Variants in CARMIL1 observed in about 807,000 individuals in gnomAD.
CARMIL1 encodes the protein F-actin-uncapping protein LRRC16A.
In CARMIL1, 90 loss-of-function variants were observed where a neutral mutation model predicts 177.1. The ratio of observed to expected loss-of-function variants is 0.51; its 90% CI spans 0.43 to 0.61. The LOEUF is 0.61. Among genes scored for constraint, CARMIL1 ranks in the 20% least tolerant of loss-of-function variants. The pLI is 0.00. For missense variants in CARMIL1, 1,380 were observed against 1,667.0 expected (o/e 0.83, Z 3.00); for synonymous variants, 577 against 606.2 (o/e 0.95, Z 0.71).
At chr6:25,526,546 C>T (rs74632302) in intron 23 of CARMIL1, among the ~76,000 whole-genome samples, 1,809 of 151,242 alleles carry the variant, frequency 0.012, 25 homozygotes, top group African/African-American at 0.034. Flanking sequence ...CTCTCCTTCT[C>T]TTCTGTTCTT....
chr6:25,441,347 G>GTGTGTGTGTGTA (rs1287858023), intron 5 of CARMIL1, among the ~76,000 whole-genome samples: 18 of 115,744 alleles, frequency 1.6e-4, no homozygotes, highest in Admixed American at 3.4e-4. Context: ...ATGTGTGTGT[G>GTGTGTGTGTGTA]TGTGTGTGTG....
intron 2 of CARMIL1, among the ~76,000 whole-genome samples, chr6:25,394,239 G>T (rs1160609898): frequency 6.6e-6 from 1 of 152,212 alleles, no homozygotes; most frequent in Non-Finnish European, 1.5e-5. Flanking sequence ...CTTCTTGGCA[G>T]TGATAGTGAT....
At chr6:25,592,648 A>G (rs1352934601) in intron 31 of CARMIL1, among the ~76,000 whole-genome samples, 1 of 152,200 alleles carries the variant, frequency 6.6e-6, no homozygotes, top group Non-Finnish European at 1.5e-5. Context: ...TCGTAATGAG[A>G]GCTTCCCAAT....
chr6:25,614,822 A>G (rs1816773093), intron 36 of CARMIL1, among the ~76,000 whole-genome samples: 1 of 152,248 alleles, frequency 6.6e-6, no homozygotes, highest in South Asian at 2.1e-4. Context: ...AAAAGAGGAT[A>G]AACACAGAGA....
rs932290337 is a variant in CARMIL1, at chr6:25,509,156, T to A, written c.1396-500T>A. On this transcript the variant is annotated intron_variant, in intron 17 of 36. Coordinates refer to ENST00000329474, the MANE Select transcript of CARMIL1 (RefSeq NM_017640.6). The surrounding 1 kb of genome is among the most constrained non-coding windows in gnomAD (Gnocchi z 4.1). ...TAATATCTGCCTTATGAGTGAGAACTCACACTCATGTCTTAGAACAGGTAG... is the reference window on the plus strand; with the variant it reads ...TAATATCTGCCTTATGAGTGAGAACACACACTCATGTCTTAGAACAGGTAG... Among the ~76,000 whole-genome samples the A allele has an allele frequency of 1.3e-5, 2 of 152,190 alleles. No homozygotes were observed. The highest frequency in any genetic ancestry group is 2.9e-5 in the Non-Finnish European group (2 of 68,030).
chr6:25,341,538 A>G (rs894316070), intron 2 of CARMIL1, among the ~76,000 whole-genome samples: 12 of 152,252 alleles, frequency 7.9e-5, no homozygotes, highest in Non-Finnish European at 1.2e-4. Context: ...AGCCAGGCCA[A>G]CATGGTGAAA....
chr6:25,556,968 C>A, intron 29 of CARMIL1, 118 bp downstream of exon 29: 1 of 1,033,906 alleles, frequency 9.7e-7, no homozygotes, highest in East Asian at 2.5e-5. Context: ...TGTCCCCACC[C>A]TCAGACAATT....
intron 31 of CARMIL1, among the ~76,000 whole-genome samples, chr6:25,587,713 C>T (rs1813891593): frequency 1.3e-5 from 2 of 152,130 alleles, no homozygotes; most frequent in Admixed American, 6.5e-5. Context: ...GGGATTCTTA[C>T]CCATGTTTAC....
chr6:25,332,765 A>ACACG (rs1554165919), intron 2 of CARMIL1, among the ~76,000 whole-genome samples: 16 of 134,628 alleles, frequency 1.2e-4, no homozygotes, highest in African/African-American at 3.9e-4. Flanking sequence ...ACACACACAC[A>ACACG]CACACACGCG....
At chr6:25,317,472 A>G (rs1343373706) in intron 2 of CARMIL1, among the ~76,000 whole-genome samples, 1 of 147,838 alleles carries the variant, frequency 6.8e-6, no homozygotes, top group Non-Finnish European at 1.5e-5. Flanking sequence ...CCATAACATC[A>G]TATTGTTTCC....
At position 25,429,366 on chromosome 6, in the gene CARMIL1, CAT is replaced by C. The variant is rs1796539949; in HGVS notation, c.249+2808_249+2809del. 2.0e-5 allele frequency among the ~76,000 whole-genome samples: 3 copies of C among 152,004 alleles called. No individual in the cohort carries two copies. The South Asian group carries it at 6.2e-4, about 32-fold the overall frequency. On this transcript the variant is annotated intron_variant, in intron 4 of 36. Coordinates refer to ENST00000329474, the MANE Select transcript of CARMIL1 (RefSeq NM_017640.6). ...ACATGCCTTTTGTTGTACCATGAAT[CAT>C]AAAATCCTATGTCTCTGACCCAGGC... is the stretch of plus-strand genomic sequence containing the variant.
chr6:25,571,189 C>G (rs1417611515), intron 29 of CARMIL1, among the ~76,000 whole-genome samples: 2 of 151,872 alleles, frequency 1.3e-5, no homozygotes, highest in African/African-American at 4.8e-5. Context: ...TATTTTATAT[C>G]AAAAAGCAAT....
chr6:25,528,275 G>A (rs1807370707), intron 23 of CARMIL1, among the ~76,000 whole-genome samples: 1 of 152,062 alleles, frequency 6.6e-6, no homozygotes, highest in African/African-American at 2.4e-5. Flanking sequence ...AGTTGTACCA[G>A]CCTGTATCCT....
intron 23 of CARMIL1, among the ~76,000 whole-genome samples, chr6:25,522,600 C>A (rs1806683254): frequency 6.6e-6 from 1 of 152,158 alleles, no homozygotes; most frequent in South Asian, 2.1e-4. Flanking sequence ...TCCAGGAAGA[C>A]CTCTCAGAGG....
intron 29 of CARMIL1, among the ~76,000 whole-genome samples, chr6:25,561,065 A>G (rs760773909): frequency 6.6e-6 from 1 of 152,164 alleles, no homozygotes; most frequent in Non-Finnish European, 1.5e-5. Flanking sequence ...CATGCCTTAT[A>G]TGTCATGCTG....
At chr6:25,390,320 A>ATATTTT (rs1554184839) in intron 2 of CARMIL1, among the ~76,000 whole-genome samples, 10 of 58,094 alleles carry the variant, frequency 1.7e-4, no homozygotes, top group East Asian at 9.8e-4. Flanking sequence ...ATATATATAT[A>ATATTTT]TTTTTTTTTT....
intron 2 of CARMIL1, among the ~76,000 whole-genome samples, chr6:25,325,648 A>G (rs1427469437): frequency 6.6e-6 from 1 of 152,208 alleles, no homozygotes; most frequent in Non-Finnish European, 1.5e-5. Flanking sequence ...TAATTTATCC[A>G]TCCATTTATA....
chr6:25,564,430 T>C (rs1036596605), intron 29 of CARMIL1, among the ~76,000 whole-genome samples: 4 of 152,244 alleles, frequency 2.6e-5, no homozygotes, highest in Non-Finnish European at 5.9e-5. Context: ...TTGATCTTCA[T>C]TGAGGACCAC....
chr6:25,295,352 C>G (rs574582595), intron 2 of CARMIL1, among the ~76,000 whole-genome samples: 3 of 152,238 alleles, frequency 2.0e-5, no homozygotes, highest in Admixed American at 2.0e-4. Flanking sequence ...TAGAGGAGTA[C>G]TGTAGTTTAT....
Sources: gnomAD v4.1 joint callset for allele counts (sites outside exome capture counted in the v4.1 genomes callset) on GRCh38, gnomAD v4.1.1 for gene constraint, Gnocchi (gnomAD v3.1) non-coding constraint, MANE v1.5 for transcripts, NCBI Gene and HGNC (gene_info 2026-07-23, HGNC 2026-07-21) for gene names.